The following NCALD variants were observed in gnomAD, a reference collection of about 807,000 sequenced individuals.
NCALD encodes neurocalcin delta, also known as neurocalcin-delta.
Under a neutral mutation model 18.6 loss-of-function variants are expected in NCALD, and 10 were observed. That is an observed-to-expected ratio of 0.54 (90% CI 0.33 to 0.91). The LOEUF (loss-of-function observed/expected upper bound fraction) is 0.91, where lower values mean the gene tolerates loss of function less well. Ranked by LOEUF, NCALD falls within the 40% of genes least tolerant of loss-of-function variation. NCALD has a pLI of 0.03. For synonymous variants in NCALD, 88 were observed against 87.4 expected (o/e 1.01, Z -0.04); for missense variants, 184 against 247.6 (o/e 0.74, Z 1.72).
intron 2 of NCALD, among the ~76,000 whole-genome samples, chr8:102,007,806 T>C (rs1821763984): frequency 1.3e-5 from 2 of 151,994 alleles, no homozygotes. Flanking sequence ...AAACTTTGAG[T>C]TTCCAAGAAG....
intron 1 of NCALD, among the ~76,000 whole-genome samples, chr8:101,759,451 C>A (rs1811024393): frequency 6.6e-6 from 1 of 152,068 alleles, no homozygotes; most frequent in African/African-American, 2.4e-5. Context: ...TCTTGATACA[C>A]CAATGGGGAA....
chr8:101,967,732 AGAG>A (rs1168145981), intron 2 of NCALD, among the ~76,000 whole-genome samples: 3 of 152,138 alleles, frequency 2.0e-5, no homozygotes, highest in African/African-American at 4.8e-5. Context: ...GCAAGGCAGC[AGAG>A]GGTGAGGATT....
At chr8:101,783,205 C>T (rs977665801) in intron 1 of NCALD, among the ~76,000 whole-genome samples, 1 of 152,096 alleles carries the variant, frequency 6.6e-6, no homozygotes, top group Non-Finnish European at 1.5e-5. Flanking sequence ...TGAGAGTCTT[C>T]TTAAGGGAAG....
chr8:101,806,447 T>G (rs1327291201), intron 4 of NCALD, among the ~76,000 whole-genome samples: 1 of 152,032 alleles, frequency 6.6e-6, no homozygotes, highest in African/African-American at 2.4e-5. Flanking sequence ...AAATCATACT[T>G]TATGAAGTAA....
chr8:102,043,765 GGAAGCAGCAGCA>G (rs1278881159), intron 1 of NCALD, among the ~76,000 whole-genome samples: 3 of 150,518 alleles, frequency 2.0e-5, no homozygotes, highest in Admixed American at 6.6e-5. Context: ...AAGGGGAAGG[GGAAGCAGCAGCA>G]GAAGCAGCAG....
chr8:102,078,131 C>A (rs1824407539), intron 1 of NCALD, among the ~76,000 whole-genome samples: 1 of 152,144 alleles, frequency 6.6e-6, no homozygotes, highest in South Asian at 2.1e-4. Flanking sequence ...TACAAATGGC[C>A]ACCCCATGCA....
rs1464557919 is a variant in NCALD at position 101,713,527 on chromosome 8, C to G, written c.378+5725G>C. Among the ~76,000 whole-genome samples the G allele has an allele frequency of 5.9e-5, 9 of 151,376 alleles. No homozygotes were observed. In the South Asian group the frequency reaches 1.9e-3, roughly 32 times the overall value. On this transcript the variant is annotated intron_variant, in intron 2 of 3. Coordinates refer to ENST00000220931, the MANE Select transcript of NCALD (RefSeq NM_032041.3). ...TGAAAAGATTAACAAAATAGATAGA[C>G]CACTAGCCAGATTAATAAAGAAGAA...
intron 1 of NCALD, among the ~76,000 whole-genome samples, chr8:102,058,084 G>A (rs1488795106): frequency 6.6e-6 from 1 of 152,188 alleles, no homozygotes; most frequent in Non-Finnish European, 1.5e-5. Flanking sequence ...AAAACAGCCA[G>A]CAAGGTCTCC....
At chr8:102,025,490 C>T (rs1201512108) in intron 1 of NCALD, among the ~76,000 whole-genome samples, 1 of 152,164 alleles carries the variant, frequency 6.6e-6, no homozygotes, top group Non-Finnish European at 1.5e-5. Flanking sequence ...GCCTAGTACT[C>T]AATAAAAGTT....
At chr8:101,774,216 A>G (rs1354240020) in intron 1 of NCALD, among the ~76,000 whole-genome samples, 1 of 152,210 alleles carries the variant, frequency 6.6e-6, no homozygotes, top group Admixed American at 6.5e-5. Flanking sequence ...AATATGAATC[A>G]AAAGAATACA....
chr8:101,697,976 A>T (rs190001803), intron 2 of NCALD, among the ~76,000 whole-genome samples: 2 of 152,178 alleles, frequency 1.3e-5, no homozygotes, highest in East Asian at 3.9e-4. Context: ...GCATATTCAA[A>T]TAAGAAGAGA....
At chr8:101,785,441 T>C (rs1015915903) in intron 1 of NCALD, among the ~76,000 whole-genome samples, 1 of 152,184 alleles carries the variant, frequency 6.6e-6, no homozygotes, top group Admixed American at 6.5e-5. Flanking sequence ...GGTAACTTGC[T>C]CAGAGTATCA....
intron 4 of NCALD, among the ~76,000 whole-genome samples, chr8:101,855,955 C>A: frequency 6.6e-6 from 1 of 152,138 alleles, no homozygotes; most frequent in East Asian, 1.9e-4. Context: ...ATATAGATAT[C>A]CTCATGAACA....
chr8:102,040,047 A>G (rs1822994644), intron 1 of NCALD, among the ~76,000 whole-genome samples: 1 of 152,212 alleles, frequency 6.6e-6, no homozygotes, highest in Non-Finnish European at 1.5e-5. Context: ...ATCCCTTTAC[A>G]GCACACAAAA....
intron 4 of NCALD, among the ~76,000 whole-genome samples, chr8:101,816,503 T>C (rs1410771976): frequency 6.6e-6 from 1 of 152,080 alleles, no homozygotes; most frequent in African/African-American, 2.4e-5. Context: ...TTTTCACAAT[T>C]GCCTGTCTTT....
At chr8:101,975,087 C>T (rs1191474758) in intron 2 of NCALD, among the ~76,000 whole-genome samples, 1 of 152,136 alleles carries the variant, frequency 6.6e-6, no homozygotes, top group Non-Finnish European at 1.5e-5. Flanking sequence ...ATAAACATTA[C>T]ATTGGTTGGG....
intron 1 of NCALD, among the ~76,000 whole-genome samples, chr8:102,062,462 T>C (rs1211862703): frequency 6.6e-6 from 1 of 152,230 alleles, no homozygotes; most frequent in Non-Finnish European, 1.5e-5. Context: ...TTCACTATTG[T>C]AGCCTCAGCA....
intron 3 of NCALD, among the ~76,000 whole-genome samples, chr8:101,898,372 T>C (rs1019874088): frequency 3.3e-5 from 5 of 152,112 alleles, no homozygotes; most frequent in Admixed American, 6.5e-5. Context: ...CATTCCCTCA[T>C]TGGATTTTTG....
At chr8:101,955,575 G>A (rs1819594046) in intron 2 of NCALD, among the ~76,000 whole-genome samples, 1 of 152,168 alleles carries the variant, frequency 6.6e-6, no homozygotes, top group African/African-American at 2.4e-5. Flanking sequence ...CAACATAACA[G>A]ACTCTGCCCT....
Sources: gnomAD v4.1 joint callset for allele counts (sites outside exome capture counted in the v4.1 genomes callset) on GRCh38, gnomAD v4.1.1 for gene constraint, MANE v1.5 for transcripts, NCBI Gene and HGNC (gene_info 2026-07-23, HGNC 2026-07-21) for gene names.